PPP1R12A: variants seen among roughly 807,000 people sequenced by gnomAD.
PPP1R12A encodes protein phosphatase 1 regulatory subunit 12A.
PPP1R12A carries 19 observed loss-of-function variants against 139.6 expected under a neutral mutation model. That is an observed-to-expected ratio of 0.14 (90% CI 0.09 to 0.20). PPP1R12A has a LOEUF of 0.20. Among genes scored for constraint, PPP1R12A ranks in the 10% least tolerant of loss-of-function variants. The pLI is 1.00. For synonymous variants in PPP1R12A, 427 were observed against 420.6 expected, an observed-to-expected ratio of 1.02 and a Z score of -0.19; for missense variants, 925 against 1,211.5, an observed-to-expected ratio of 0.76 and a Z score of 3.51.
intron 1 of PPP1R12A, among the ~76,000 whole-genome samples, chr12:79,890,904 C>CA (rs72301955): frequency 0.18 from 18,443 of 99,996 alleles, 1,434 homozygotes; most frequent in African/African-American, 0.38. Context: ...CCCACACCCA[C>CA]CCACACACAC....
At chr12:79,916,202 T>C (rs893951117) in intron 1 of PPP1R12A, among the ~76,000 whole-genome samples, 2 of 147,640 alleles carry the variant, frequency 1.4e-5, no homozygotes, top group Non-Finnish European at 3.0e-5. Context: ...AAACAACAAA[T>C]GTGTATGTAA....
chr12:79,911,587 A>G (rs1049720369), intron 1 of PPP1R12A, among the ~76,000 whole-genome samples: 1 of 152,180 alleles, frequency 6.6e-6, no homozygotes, highest in Non-Finnish European at 1.5e-5. Flanking sequence ...TGTACCCTGA[A>G]ACCTGAAATA....
chr12:79,843,316 C>G (rs2137201175), intron 3 of PPP1R12A, among the ~76,000 whole-genome samples: 1 of 152,176 alleles, frequency 6.6e-6, no homozygotes, highest in South Asian at 2.1e-4. Context: ...TGGCTCATGC[C>G]TGTAATCCCA....
upstream of PPP1R12A, chr12:79,935,145 C>T (rs1044211318): frequency 2.2e-6 from 3 of 1,349,344 alleles, no homozygotes; most frequent in African/African-American, 3.0e-5. Context: ...CCACAGAAGC[C>T]CTCCCGCCCC....
rs1871409856 is a variant in PPP1R12A, at chr12:79,788,651, T to C, written c.2799A>G (p.Lys933=). Residue 933 remains lysine (K), a synonymous_variant, in exon 21 of 25, where the codon AAA becomes AAG. Coordinates refer to ENST00000450142, the MANE Select transcript of PPP1R12A (RefSeq NM_002480.3). Reference sequence around the variant, plus strand: ...TATAACTAAATAACCCAAGTACCTTTTTAAAGTCAGTTGAGTCATCCTTTT... The same window carrying C: ...TATAACTAAATAACCCAAGTACCTTCTTAAAGTCAGTTGAGTCATCCTTTT... The part of the protein sequence containing the change: ...RLEKDDSTDF[K]KLYEQILAEN... 6.2e-7 allele frequency: 1 copy of C among 1,608,304 alleles called. No homozygotes were observed. The highest frequency in any genetic ancestry group is 1.1e-5 in the South Asian group (1 of 89,892).
intron 13 of PPP1R12A, 134 bp downstream of exon 13, chr12:79,806,032 A>T: frequency 8.0e-7 from 1 of 1,256,466 alleles, no homozygotes; most frequent in Middle Eastern, 2.1e-4. Context: ...CTCATTTTGG[A>T]ACCAATTTTT....
At chr12:79,801,236 TCA>T (rs1873105363) in intron 14 of PPP1R12A, among the ~76,000 whole-genome samples, 1 of 149,156 alleles carries the variant, frequency 6.7e-6, no homozygotes, top group African/African-American at 2.5e-5. Flanking sequence ...TCCTAGCTAC[TCA>T]GGAGGCTGAG....
chr12:79,786,322 G>C, intron 22 of PPP1R12A, 52 bp downstream of exon 22: 2 of 1,134,634 alleles, frequency 1.8e-6, no homozygotes, highest in Non-Finnish European at 2.5e-6. Context: ...TTTTTAGATG[G>C]GATAAATCAC....
chr12:79,795,868 T>C, intron 17 of PPP1R12A, 109 bp from the exon 18 acceptor site: 3 of 1,015,944 alleles, frequency 3.0e-6, no homozygotes, highest in Non-Finnish European at 4.1e-6. Flanking sequence ...TCTAGGGGGA[T>C]GGAAGGTAGG....
chr12:79,814,510 C>G (rs965716686), intron 9 of PPP1R12A, among the ~76,000 whole-genome samples: 5 of 141,442 alleles, frequency 3.5e-5, no homozygotes, highest in African/African-American at 1.3e-4. Flanking sequence ...AGGACTCCCC[C>G]TCTTCATTAA....
chr12:79,820,708 T>C, intron 8 of PPP1R12A, 66 bp downstream of exon 8: 1 of 1,539,400 alleles, frequency 6.5e-7, no homozygotes, highest in Non-Finnish European at 8.8e-7. Flanking sequence ...AAAAATTACG[T>C]CTCATCTTGT....
Position 79,808,503 on chromosome 12 carries a change from G to A in PPP1R12A, c.1530C>T (p.Asp510=). 3 of 1,603,846 alleles carry A rather than the reference G, an allele frequency of 1.9e-6. No individual in the cohort carries two copies. Among genetic ancestry groups the A allele is most frequent in the Non-Finnish European group, 2.6e-6 (3 of 1,172,130 alleles). ...CTCACCTGTTTTCTTTCTCTTCAAT[G>A]TCAGATGTACTGGCTAGTCGTCTTG... ...TIPRRLASTS[D]IEEKENRDSS... The change falls in exon 11 of 25, where the codon GAC becomes GAT. Residue 510 remains aspartate, a synonymous_variant. Transcript: ENST00000450142.
chr12:79,845,557 T>C (rs1220046771), intron 2 of PPP1R12A, 137 bp from the exon 3 acceptor site: 4 of 634,710 alleles, frequency 6.3e-6, no homozygotes, highest in Non-Finnish European at 1.0e-5. Flanking sequence ...TTTAAAAAAC[T>C]ATCAGGCCAG....
At chr12:79,909,544 C>T (rs973007135) in intron 1 of PPP1R12A, among the ~76,000 whole-genome samples, 1 of 151,838 alleles carries the variant, frequency 6.6e-6, no homozygotes, top group Non-Finnish European at 1.5e-5. Context: ...AGACCATCCT[C>T]ACCAACACAG....
At chr12:79,831,337 C>G (rs936721597) in intron 4 of PPP1R12A, among the ~76,000 whole-genome samples, 6 of 152,126 alleles carry the variant, frequency 3.9e-5, no homozygotes, top group Non-Finnish European at 5.9e-5. Context: ...AATCCCAACA[C>G]TTTGGGAGGC....
chr12:79,868,485 T>C (rs1393707126), intron 2 of PPP1R12A, among the ~76,000 whole-genome samples: 2 of 151,308 alleles, frequency 1.3e-5, no homozygotes, highest in Non-Finnish European at 2.9e-5. Context: ...AGAAATATTA[T>C]TTTCTCACAG....
intron 2 of PPP1R12A, among the ~76,000 whole-genome samples, chr12:79,860,032 C>T (rs1246870758): frequency 6.6e-6 from 1 of 152,174 alleles, no homozygotes; most frequent in East Asian, 1.9e-4. Context: ...AATTAATAGT[C>T]TACTCCATGA....
chr12:79,911,446 G>A (rs1224772481), intron 1 of PPP1R12A, among the ~76,000 whole-genome samples: 1 of 152,134 alleles, frequency 6.6e-6, no homozygotes, highest in Non-Finnish European at 1.5e-5. Context: ...GCCTACCTGA[G>A]GGTGGAGGGT....
chr12:79,923,093 G>A (rs1887569706), intron 1 of PPP1R12A, among the ~76,000 whole-genome samples: 1 of 151,998 alleles, frequency 6.6e-6, no homozygotes, highest in African/African-American at 2.4e-5. Flanking sequence ...TGGCCAACAT[G>A]GTGAAACCCC....
Sources: gnomAD v4.1 joint callset for allele counts (sites outside exome capture counted in the v4.1 genomes callset) on GRCh38, gnomAD v4.1.1 for gene constraint, MANE v1.5 for transcripts, NCBI Gene and HGNC (gene_info 2026-07-23, HGNC 2026-07-21) for gene names.